CNTN3: variants seen among roughly 807,000 people sequenced by gnomAD.
CNTN3 encodes contactin 3.
Under a neutral mutation model 119.1 loss-of-function variants are expected in CNTN3, and 60 were observed. The observed-to-expected ratio is 0.50, with a 90% CI of 0.41 to 0.62. The LOEUF (loss-of-function observed/expected upper bound fraction) is 0.62. Ranked by LOEUF, CNTN3 falls within the 20% of genes least tolerant of loss-of-function variation. CNTN3 has a pLI of 0.00. For missense variants in CNTN3, 1,101 were observed against 1,242.4 expected, an observed-to-expected ratio of 0.89 and a Z score of 1.71; for synonymous variants, 450 against 438.7, an observed-to-expected ratio of 1.03 and a Z score of -0.32.
chr3:74,375,966 G>A (rs1336584991), intron 5 of CNTN3, among the ~76,000 whole-genome samples: 1 of 152,068 alleles, frequency 6.6e-6, no homozygotes, highest in Non-Finnish European at 1.5e-5. Flanking sequence ...TAATCACCAG[G>A]GTCCTTAGAA....
At chr3:74,389,980 A>G (rs189692243) in intron 5 of CNTN3, among the ~76,000 whole-genome samples, 2 of 152,330 alleles carry the variant, frequency 1.3e-5, no homozygotes, top group East Asian at 3.9e-4. Context: ...CATGGTGATA[A>G]TTTGTAGGAG....
In CNTN3 at chr3:74,486,413, T is replaced by C. The variant is rs746178922; in HGVS notation, c.358+43A>G. ...ACGACTACACAAATTAAGTTACATA[T>C]TTTCTAATGTTGGATTTGCTAGACA... On this transcript the variant is annotated intron_variant, in intron 4 of 22. Transcript: ENST00000263665. The C allele has an allele frequency of 1.7e-5, 26 of 1,528,862 alleles. No individual in the cohort carries two copies. In the South Asian group the frequency reaches 2.9e-4, roughly 17 times the overall value. The allele number at this position is 1,528,862 out of a possible 1,614,324, so 94.7% of individuals were successfully genotyped here. A position where few individuals can be genotyped will look rare whatever the true frequency, so the allele number is the denominator to read the frequency against.
At chr3:74,553,293 C>T (rs879316645) in intron 1 of CNTN3, among the ~76,000 whole-genome samples, 36 of 152,306 alleles carry the variant, frequency 2.4e-4, no homozygotes, top group Admixed American at 5.2e-4. Flanking sequence ...ACATAGTATT[C>T]CGTGGTGTAT....
intron 1 of CNTN3, among the ~76,000 whole-genome samples, chr3:74,535,270 G>T (rs1410513385): frequency 3.9e-5 from 6 of 151,978 alleles, no homozygotes; most frequent in African/African-American, 1.2e-4. Context: ...CTGTATCTAG[G>T]TGTATAAAAC....
At chr3:74,425,614 A>T (rs1278716994) in intron 4 of CNTN3, among the ~76,000 whole-genome samples, 1 of 152,194 alleles carries the variant, frequency 6.6e-6, no homozygotes, top group African/African-American at 2.4e-5. Flanking sequence ...CTAAATCAAA[A>T]ATAAACATAA....
intron 3 of CNTN3, among the ~76,000 whole-genome samples, chr3:74,489,621 C>A (rs747507591): frequency 6.8e-5 from 8 of 118,194 alleles, no homozygotes; most frequent in Non-Finnish European, 1.2e-4. Flanking sequence ...AGTTTCTGTT[C>A]CCACCCCCAC....
chr3:74,565,134 A>G (rs1162502111), intron 1 of CNTN3, among the ~76,000 whole-genome samples: 1 of 152,144 alleles, frequency 6.6e-6, no homozygotes. Context: ...TGCTACTATA[A>G]CAAGTTATCA....
At position 74,285,510 on chromosome 3, in the gene CNTN3, C is replaced by T. The variant is rs1285349350; in HGVS notation, c.2518-19G>A. 6.3e-7 allele frequency: 1 copy of T among 1,589,546 alleles called. No homozygotes were observed. Among genetic ancestry groups the T allele is most frequent in the Admixed American group, 1.8e-5 (1 of 54,586 alleles). ...ACCGCACCTGGTGGGCGGAAGACACCAAACATGTGAAGGCTTAAAAAATTC... is the reference window on the plus strand; with the variant it reads ...ACCGCACCTGGTGGGCGGAAGACACTAAACATGTGAAGGCTTAAAAAATTC... On this transcript the variant is annotated intron_variant, in intron 19 of 22. Coordinates refer to ENST00000263665, the MANE Select transcript of CNTN3 (RefSeq NM_020872.3).
rs574554501 is a variant in CNTN3, at chr3:74,362,418, A to G, written c.1214-378T>C. Among the ~76,000 whole-genome samples, 4 of 152,344 alleles carry G rather than the reference A, an allele frequency of 2.6e-5. No individual in the cohort carries two copies. The South Asian group carries it at 8.3e-4, about 32-fold the overall frequency. ...CATAGCACTTGGTACAGTGCCTAGC[A>G]TTCAACAAAGCTCAGCAAAACTTTG... On this transcript the variant is annotated intron_variant, in intron 10 of 22. Coordinates refer to ENST00000263665, the MANE Select transcript of CNTN3 (RefSeq NM_020872.3).
intron 1 of CNTN3, among the ~76,000 whole-genome samples, chr3:74,599,581 GT>G (rs1704874941): frequency 6.6e-6 from 1 of 152,038 alleles, no homozygotes; most frequent in Admixed American, 6.6e-5. Flanking sequence ...TCACAAATGG[GT>G]TTGCACTCCT....
intron 5 of CNTN3, among the ~76,000 whole-genome samples, chr3:74,422,523 C>A (rs901385623): frequency 5.3e-5 from 8 of 152,172 alleles, no homozygotes; most frequent in African/African-American, 1.7e-4. Context: ...AATTTTATAA[C>A]ATTTGAATAG....
chr3:74,445,417 C>T (rs576557166), intron 4 of CNTN3, among the ~76,000 whole-genome samples: 4 of 152,148 alleles, frequency 2.6e-5, no homozygotes, highest in African/African-American at 9.6e-5. Context: ...TGCCTGCCAC[C>T]ATGCCTGGCT....
intron 13 of CNTN3, among the ~76,000 whole-genome samples, chr3:74,333,779 T>C (rs1703326563): frequency 6.6e-6 from 1 of 152,174 alleles, no homozygotes; most frequent in African/African-American, 2.4e-5. Flanking sequence ...AACATGCCGA[T>C]GTATACAAAT....
chr3:74,290,138 T>A (rs1702195125), intron 19 of CNTN3, among the ~76,000 whole-genome samples: 1 of 152,238 alleles, frequency 6.6e-6, no homozygotes, highest in Non-Finnish European at 1.5e-5. Flanking sequence ...CTGAGAAATG[T>A]ATCATTAGAT....
chr3:74,321,186 T>C (rs1188031260), intron 13 of CNTN3, among the ~76,000 whole-genome samples: 1 of 152,262 alleles, frequency 6.6e-6, no homozygotes, highest in South Asian at 2.1e-4. Context: ...CTATGCTCAG[T>C]ACCTGGGTGA....
intron 5 of CNTN3, among the ~76,000 whole-genome samples, chr3:74,384,624 G>A (rs1293754549): frequency 6.6e-6 from 1 of 152,092 alleles, no homozygotes; most frequent in Non-Finnish European, 1.5e-5. Context: ...AAGTTGTCCT[G>A]ATGATTTACC....
intron 13 of CNTN3, among the ~76,000 whole-genome samples, chr3:74,323,273 G>A (rs1358689926): frequency 1.3e-5 from 2 of 152,234 alleles, no homozygotes; most frequent in South Asian, 2.1e-4. Flanking sequence ...TGTACTTTCA[G>A]TTCAATTTTA....
intron 1 of CNTN3, among the ~76,000 whole-genome samples, chr3:74,556,111 A>T (rs1704065689): frequency 6.6e-6 from 1 of 152,114 alleles, no homozygotes; most frequent in South Asian, 2.1e-4. Context: ...TATTATGGTG[A>T]TAATGCCCAC....
At chr3:74,609,745 T>C (rs1162784368) in intron 1 of CNTN3, among the ~76,000 whole-genome samples, 1 of 152,164 alleles carries the variant, frequency 6.6e-6, no homozygotes. Context: ...ATAAGCTTAG[T>C]TGTCATAGGT....
Sources: gnomAD v4.1 joint callset for allele counts (sites outside exome capture counted in the v4.1 genomes callset) on GRCh38, gnomAD v4.1.1 for gene constraint, MANE v1.5 for transcripts, NCBI Gene and HGNC (gene_info 2026-07-23, HGNC 2026-07-21) for gene names.